The following ZNF75A variants were observed in gnomAD, a reference collection of about 807,000 sequenced individuals.
The protein encoded by ZNF75A is zinc finger protein 75A.
In ZNF75A, 36 loss-of-function variants were observed where a neutral mutation model predicts 46.3. The observed-to-expected ratio is 0.78, with a 90% CI of 0.60 to 1.03. The LOEUF is 1.03. Among genes scored for constraint, ZNF75A ranks in the 50% least tolerant of loss-of-function variants. The pLI is 0.00. For missense variants in ZNF75A, 595 were observed against 551.3 expected (o/e 1.08, Z -0.79); for synonymous variants, 234 against 189.9 (o/e 1.23, Z -1.91).
intron 1 of ZNF75A, chr16:3,306,754 C>G (rs1213994733): frequency 6.6e-6 from 1 of 152,080 alleles, no homozygotes; most frequent in Non-Finnish European, 1.5e-5. Flanking sequence ...GCATGGCACC[C>G]TTTATGTGTG....
downstream of ZNF75A, among the ~76,000 whole-genome samples, chr16:3,321,400 TAGTCTAAGTTCA>T (rs2029936831): frequency 6.6e-6 from 1 of 152,190 alleles, no homozygotes; most frequent in Non-Finnish European, 1.5e-5. Flanking sequence ...TCCCCTGCAC[TAGTCTAAGTTCA>T]GTGCTGGGAC....
chr16:3,314,992 T>C (rs1047563971), intron 5 of ZNF75A: 3 of 985,136 alleles, frequency 3.0e-6, no homozygotes, highest in African/African-American at 3.5e-5. Context: ...AACTAGATAG[T>C]GTAGCGGAGG....
Position 3,308,473 on chromosome 16 carries a change from G to C in ZNF75A, c.45G>C (p.Gln15His). 1.0e-6 allele frequency: 1 copy of C among 985,888 alleles called. No homozygotes were observed. Among genetic ancestry groups the C allele is most frequent in the South Asian group, 4.7e-5 (1 of 21,292 alleles). 61.1% of individuals were successfully genotyped at this position (985,888 alleles called of 1,614,324 possible). ...AAGTGGCTGCGTACTTGGACCCTCA[G>C]ATCAGGGCTTTGTGGGAGACCAAGG... is the stretch of plus-strand genomic sequence containing the variant. ...DLKVAAYLDP[Q>H]IRALWETKGP... The change falls in exon 2 of 7, where the codon CAG (glutamine) becomes CAC (histidine). Residue 15 changes from glutamine (Q) to histidine (H), a missense_variant. Coordinates refer to ENST00000669516, the MANE Select transcript of ZNF75A (RefSeq NM_001302109.2).
Position 3,318,635 on chromosome 16 carries a change from G to A in ZNF75A, c.*766G>A, listed in dbSNP as rs150136289. 2.1e-4 allele frequency: 204 copies of A among 985,402 alleles called. No homozygotes were observed. The Middle Eastern group carries it at 4.7e-3, about 23-fold the overall frequency. 61.0% of individuals were successfully genotyped at this position (985,402 alleles called of 1,614,324 possible). A position where few individuals can be genotyped will look rare whatever the true frequency, so the allele number is the denominator to read the frequency against. On this transcript the variant is annotated 3_prime_UTR_variant, in exon 7 of 7. Coordinates refer to ENST00000669516, the MANE Select transcript of ZNF75A (RefSeq NM_001302109.2). Reference sequence around the variant, plus strand: ...CTATAAAAATTAGTACTTGCCCAAGGCCTGAAAGAGAATTAGTGGGAATTA... The same window carrying A: ...CTATAAAAATTAGTACTTGCCCAAGACCTGAAAGAGAATTAGTGGGAATTA...
downstream of ZNF75A, chr16:3,323,278 C>T (rs2030011020): frequency 1.2e-6 from 1 of 852,558 alleles, no homozygotes; most frequent in Non-Finnish European, 2.0e-6. Flanking sequence ...TTTTTGGTAG[C>T]ATGATGGACC....
chr16:3,322,237 C>T (rs1019496896), downstream of ZNF75A, among the ~76,000 whole-genome samples: 1 of 152,176 alleles, frequency 6.6e-6, no homozygotes, highest in Admixed American at 6.5e-5. Flanking sequence ...GAAATCCACC[C>T]AAACAAAAAG....
chr16:3,320,733 C>T (rs76492245), downstream of ZNF75A, among the ~76,000 whole-genome samples: 6,301 of 152,238 alleles, frequency 0.041, 455 homozygotes, highest in African/African-American at 0.14. Context: ...GATTGCCTTC[C>T]TCATATGCAT....
At chr16:3,311,084 A>G (rs576614026) in intron 2 of ZNF75A, 7 of 431,928 alleles carry the variant, frequency 1.6e-5, no homozygotes, top group East Asian at 1.6e-4. Flanking sequence ...TAGAAGACAG[A>G]AAACCACAAC....
intron 5 of ZNF75A, chr16:3,315,134 C>T (rs1961105519): frequency 1.0e-6 from 1 of 957,892 alleles, no homozygotes; most frequent in Non-Finnish European, 1.2e-6. Flanking sequence ...TTTCCCATCT[C>T]AGTAAGGGGC....
Position 3,308,488 on chromosome 16 carries a change from G to A in ZNF75A, c.60G>A (p.Trp20Ter), listed in dbSNP as rs1960456736. ...AYLDPQIRAL[W>*]ETKGPARESS... ...TGGACCCTCAGATCAGGGCTTTGTG[G>A]GAGACCAAGGGGCCTGCAAGAGAGA... Residue 20 changes from tryptophan (W) to a stop codon, truncating the protein, a stop_gained, in exon 2 of 7, where the codon TGG becomes TGA. Coordinates refer to ENST00000669516, the MANE Select transcript of ZNF75A (RefSeq NM_001302109.2). LOFTEE classifies it high-confidence loss of function. 1 of 985,702 alleles carries A rather than the reference G, an allele frequency of 1.0e-6. No individual in the cohort carries two copies. The highest frequency in any genetic ancestry group is 1.7e-5 in the African/African-American group (1 of 57,192). 61.1% of individuals were successfully genotyped at this position (985,702 alleles called of 1,614,324 possible). A position where few individuals can be genotyped will look rare whatever the true frequency, so the allele number is the denominator to read the frequency against.
Position 3,313,076 on chromosome 16 carries a change from A to T in ZNF75A, c.724A>T (p.Met242Leu). 2 of 1,613,824 alleles carry T rather than the reference A, an allele frequency of 1.2e-6. No individual in the cohort carries two copies. The highest frequency in any genetic ancestry group is 1.7e-6 in the Non-Finnish European group (2 of 1,179,796). Residue 242 changes from methionine to leucine, a missense_variant, in exon 5 of 7, where the codon ATG becomes TTG. By Grantham distance (15) the Met-to-Leu change is conservative (BLOSUM62 2). Coordinates refer to ENST00000669516, the MANE Select transcript of ZNF75A (RefSeq NM_001302109.2). ...CTTGTTGACATTTGAAGAAGTGGCC[A>T]TGTATTTTTCCCAGGAAGAATGGGA... ...QSLLTFEEVA[M>L]YFSQEEWELL...
chr16:3,319,408 C>T (rs918650486), downstream of ZNF75A, among the ~76,000 whole-genome samples: 2 of 152,190 alleles, frequency 1.3e-5, no homozygotes, highest in Non-Finnish European at 2.9e-5. Context: ...AGCCACTGTG[C>T]CCAGCCTATA....
Position 3,311,884 on chromosome 16 carries a change from C to T in ZNF75A, c.540C>T (p.Tyr180=), listed in dbSNP as rs2240024. ...AAGATGAAGAATTTTGGAATACATA[C>T]GAGGGTCTGCAAGAACAGCTCAGCA... ...VSQDEEFWNT[Y]EGLQEQLSRN... The change falls in exon 3 of 7, where the codon TAC becomes TAT. Residue 180 remains tyrosine (Y), a synonymous_variant. Coordinates refer to ENST00000669516, the MANE Select transcript of ZNF75A (RefSeq NM_001302109.2). 11,650 of 1,004,884 alleles carry T rather than the reference C, an allele frequency of 0.012. 138 individuals carry two copies. Among genetic ancestry groups the T allele is most frequent in the East Asian group, 0.1 (1,062 of 10,178 alleles). 62.2% of individuals were successfully genotyped at this position (1,004,884 alleles called of 1,614,324 possible).
rs375882354 is a variant in ZNF75A at position 3,317,272 on chromosome 16, A to G, written c.1017A>G (p.Ile339Met). 6.8e-6 allele frequency: 11 copies of G among 1,614,024 alleles called. No homozygotes were observed. The African/African-American group carries it at 1.2e-4, about 18-fold the overall frequency. The change falls in exon 7 of 7, where the codon ATA (isoleucine) becomes ATG (methionine). Residue 339 changes from isoleucine to methionine, a missense_variant. Ile to Met is a conservative substitution (Grantham distance 10). Coordinates refer to ENST00000669516, the MANE Select transcript of ZNF75A (RefSeq NM_001302109.2). ...AAATACAAGCATCAGCAGGCGTCATATCAAAAAAGGCCAAAGTAAAAGTTC... is the reference window on the plus strand; with the variant it reads ...AAATACAAGCATCAGCAGGCGTCATGTCAAAAAAGGCCAAAGTAAAAGTTC... The part of the protein sequence containing the change: ...DLEIQASAGV[I>M]SKKAKVKVPQ...
At chr16:3,321,911 C>T (rs768118875), downstream of ZNF75A, among the ~76,000 whole-genome samples, 1 of 152,166 alleles carries the variant, frequency 6.6e-6, no homozygotes, top group Non-Finnish European at 1.5e-5. Context: ...TGAGGAAGAA[C>T]GCCCAGCAGC....
downstream of ZNF75A, chr16:3,323,109 TA>T (rs567589972): frequency 1.5e-5 from 8 of 548,842 alleles, no homozygotes; most frequent in African/African-American, 4.0e-5. Flanking sequence ...AGATACTTGA[TA>T]AAAAAAATCT....
Position 3,318,556 on chromosome 16 carries a change from A to G in ZNF75A, c.*687A>G. On this transcript the variant is annotated 3_prime_UTR_variant, in exon 7 of 7. Transcript: ENST00000669516. ...TTAGATGTAAAGAATTTTCTGCAAT[A>G]AAAGAAACTAGACTTGTTAATCCCT... The G allele has an allele frequency of 1.0e-6, 1 of 985,470 alleles. No homozygotes were observed. 61.0% of individuals were successfully genotyped at this position (985,470 alleles called of 1,614,324 possible). A position where few individuals can be genotyped will look rare whatever the true frequency, so the allele number is the denominator to read the frequency against.
intron 4 of ZNF75A, 88 bp from the exon 5 acceptor site, chr16:3,312,961 C>G (rs1960923651): frequency 1.4e-6 from 2 of 1,464,046 alleles, no homozygotes; most frequent in South Asian, 1.4e-5. Context: ...CTTTTAATTC[C>G]TTTATCGCCT....
At position 3,318,584 on chromosome 16, in the gene ZNF75A, C is replaced by T. The variant is rs1435808222; in HGVS notation, c.*715C>T. 1 of 985,286 alleles carries T rather than the reference C, an allele frequency of 1.0e-6. No individual in the cohort carries two copies. Among genetic ancestry groups the T allele is most frequent in the Non-Finnish European group, 1.2e-6 (1 of 829,940 alleles). The allele number at this position is 985,286 out of a possible 1,614,324, so 61.0% of individuals were successfully genotyped here. The stretch of plus-strand genomic sequence containing the variant: ...AGAAACTAGACTTGTTAATCCCTGC[C>T]TTGCAATGTCAGTAGGATAAAGCAG... On this transcript the variant is annotated 3_prime_UTR_variant, in exon 7 of 7. Coordinates refer to ENST00000669516, the MANE Select transcript of ZNF75A (RefSeq NM_001302109.2).
Sources: gnomAD v4.1 joint callset for allele counts (sites outside exome capture counted in the v4.1 genomes callset) on GRCh38, gnomAD v4.1.1 for gene constraint, MANE v1.5 for transcripts, NCBI Gene and HGNC (gene_info 2026-07-23, HGNC 2026-07-21) for gene names.